The following GAB1 variants were observed in gnomAD, a reference collection of about 807,000 sequenced individuals.
The protein encoded by GAB1 is GRB2 associated binding protein 1.
In GAB1, 19 loss-of-function variants were observed where a neutral mutation model predicts 66.5. The ratio of observed to expected loss-of-function variants is 0.29; its 90% CI spans 0.20 to 0.42. GAB1 has a LOEUF of 0.42. Ranked by LOEUF, GAB1 falls within the 10% of genes least tolerant of loss-of-function variation. The pLI, the probability that GAB1 is intolerant of heterozygous loss-of-function variation, is 1.00. For synonymous variants in GAB1, 294 were observed against 301.4 expected (o/e 0.98, Z 0.25); for missense variants, 732 against 858.5 (o/e 0.85, Z 1.84).
chr4:143,468,648 G>A (rs1414652058), intron 9 of GAB1, among the ~76,000 whole-genome samples: 3 of 151,744 alleles, frequency 2.0e-5, no homozygotes, highest in South Asian at 2.1e-4. Flanking sequence ...ATTCATGGCC[G>A]GGCATGGTGG....
At position 143,462,353 on chromosome 4, in the gene GAB1, G is replaced by C. The variant is rs185763622; in HGVS notation, c.1803+1866G>C. On this transcript the variant is annotated intron_variant, in intron 8 of 9. Transcript: ENST00000262994. ...CACCTATTTTCAACTTTGGGTAGTT[G>C]AGTGAACTGTTTTCTTATCGTAAAG... Among the ~76,000 whole-genome samples, 46 of 152,178 alleles carry C rather than the reference G, an allele frequency of 3.0e-4. 1 individual carries two copies. Among genetic ancestry groups the C allele is most frequent in the African/African-American group, 9.9e-4 (41 of 41,526 alleles).
rs769699843 is a variant in GAB1 at position 143,438,020 on chromosome 4, A to G, written c.615A>G (p.Lys205=). The change falls in exon 4 of 10, where the codon AAA becomes AAG. Residue 205 remains lysine, a synonymous_variant. Coordinates refer to ENST00000262994, the MANE Select transcript of GAB1 (RefSeq NM_002039.4). ...TTAGAACGCATGCTGATTCTGCAAAATCCACCTCTTCTGAAACAGACTGCA... is the reference window on the plus strand; with the variant it reads ...TTAGAACGCATGCTGATTCTGCAAAGTCCACCTCTTCTGAAACAGACTGCA... ...EPTRTHADSA[K]STSSETDCND... The G allele has an allele frequency of 3.1e-6, 5 of 1,612,746 alleles. No individual in the cohort carries two copies. The South Asian group carries it at 5.5e-5, about 18-fold the overall frequency.
At chr4:143,448,274 C>A (rs924752668) in intron 6 of GAB1, among the ~76,000 whole-genome samples, 8 of 151,722 alleles carry the variant, frequency 5.3e-5, no homozygotes, top group Admixed American at 6.6e-5. Flanking sequence ...TGTCTCTGCC[C>A]GGCTTTGGTA....
intron 2 of GAB1, among the ~76,000 whole-genome samples, chr4:143,431,377 A>C (rs754704421): frequency 2.0e-5 from 3 of 152,204 alleles, no homozygotes; most frequent in Non-Finnish European, 2.9e-5. Context: ...AATTCAGTTG[A>C]CTAGAAAAAG....
chr4:143,359,618 G>C (rs1237084796), intron 1 of GAB1, among the ~76,000 whole-genome samples: 1 of 152,200 alleles, frequency 6.6e-6, no homozygotes, highest in African/African-American at 2.4e-5. Context: ...AGTGCTCTAA[G>C]CTCTCTGTAA....
Position 143,471,514 on chromosome 4 carries a change from C to T in GAB1, c.*2325C>T, listed in dbSNP as rs2149805440. The T allele has an allele frequency of 6.6e-6, 1 of 152,276 alleles. No homozygotes were observed. The highest frequency in any genetic ancestry group is 2.1e-4 in the South Asian group (1 of 4,826). The allele number at this position is 152,276 out of a possible 1,614,324, so 9.4% of individuals were successfully genotyped here. Reference sequence around the variant, plus strand: ...TCAATATAAATGTATTTTGGGTTCACATTTATGCTTATTCATTTTGGCTCA... The same window carrying T: ...TCAATATAAATGTATTTTGGGTTCATATTTATGCTTATTCATTTTGGCTCA... On this transcript the variant is annotated 3_prime_UTR_variant, in exon 10 of 10. Transcript: ENST00000262994.
intron 2 of GAB1, among the ~76,000 whole-genome samples, chr4:143,426,353 C>T (rs1578697317): frequency 1.3e-5 from 2 of 152,078 alleles, no homozygotes; most frequent in East Asian, 1.9e-4. Flanking sequence ...AGTTTGAGAC[C>T]AGCCTGGGCA....
chr4:143,382,508 A>G (rs1275208211), intron 1 of GAB1, among the ~76,000 whole-genome samples: 5 of 152,346 alleles, frequency 3.3e-5, no homozygotes, highest in African/African-American at 1.2e-4. Context: ...TGGAAAAGCA[A>G]TGGAATTTTA....
chr4:143,456,662 A>G (rs1735209266), intron 6 of GAB1, among the ~76,000 whole-genome samples: 2 of 152,192 alleles, frequency 1.3e-5, no homozygotes, highest in Admixed American at 1.3e-4. Flanking sequence ...TATTTTTTAT[A>G]ACTTCTACAG....
intron 2 of GAB1, among the ~76,000 whole-genome samples, chr4:143,427,507 A>G (rs1180660463): frequency 2.6e-5 from 4 of 151,944 alleles, no homozygotes; most frequent in Non-Finnish European, 4.4e-5. Context: ...CGGTTTGCAC[A>G]GGGAGAGGGA....
chr4:143,354,892 G>T (rs1729381394), intron 1 of GAB1, among the ~76,000 whole-genome samples: 1 of 152,148 alleles, frequency 6.6e-6, no homozygotes, highest in Non-Finnish European at 1.5e-5. Context: ...CCCCAAGTTG[G>T]AGAATTAGTT....
chr4:143,461,085 C>T (rs1735470693), intron 8 of GAB1, among the ~76,000 whole-genome samples: 1 of 152,136 alleles, frequency 6.6e-6, no homozygotes, highest in Non-Finnish European at 1.5e-5. Flanking sequence ...TGGTAGTGAG[C>T]ATTTTGTTCC....
chr4:143,365,373 C>T (rs1194542114), intron 1 of GAB1, among the ~76,000 whole-genome samples: 1 of 152,170 alleles, frequency 6.6e-6, no homozygotes, highest in African/African-American at 2.4e-5. Flanking sequence ...CCCTATTAGA[C>T]TGTAAGATCC....
rs891188460 is a variant in GAB1, at chr4:143,337,357, G to C, written c.72+97G>C. 6 of 1,011,938 alleles carry C rather than the reference G, an allele frequency of 5.9e-6. No individual in the cohort carries two copies. In the African/African-American group the frequency reaches 9.7e-5, roughly 16 times the overall value. The allele number at this position is 1,011,938 out of a possible 1,614,324, so 62.7% of individuals were successfully genotyped here. ...CTGCAGCTGGCCGCGCGCGGGGCTG[G>C]TTCTTAAACGAATGCCGGTCTCTTT... On this transcript the variant is annotated intron_variant, in intron 1 of 9. Coordinates refer to ENST00000262994, the MANE Select transcript of GAB1 (RefSeq NM_002039.4).
chr4:143,337,224 C>G lies in GAB1; in HGVS notation c.36C>G (p.Leu12=). The change falls in exon 1 of 10, where the codon CTC becomes CTG. Residue 12 remains leucine (L), a synonymous_variant. Transcript: ENST00000262994. ...SGGEVVCSGW[L]RKSPPEKKLK... Reference sequence around the variant, plus strand: ...GTGAAGTGGTCTGCTCCGGATGGCTCCGCAAGTCCCCCCCGGAGAAAAAGT... The same window carrying G: ...GTGAAGTGGTCTGCTCCGGATGGCTGCGCAAGTCCCCCCCGGAGAAAAAGT... The G allele has an allele frequency of 6.3e-7, 1 of 1,586,326 alleles. No homozygotes were observed. The highest frequency in any genetic ancestry group is 8.6e-7 in the Non-Finnish European group (1 of 1,166,154).
At chr4:143,425,145 C>T in intron 2 of GAB1, 1 of 816,032 alleles carries the variant, frequency 1.2e-6, no homozygotes, top group South Asian at 1.3e-5. Context: ...TCTTGACTTC[C>T]AGATGGAATA....
chr4:143,468,947 G>C (rs2149802466), intron 9 of GAB1, 84 bp from the exon 10 acceptor site: 2 of 1,393,850 alleles, frequency 1.4e-6, no homozygotes, highest in South Asian at 2.7e-5. Flanking sequence ...ATTCACAGTG[G>C]ATGTGTTTTG....
At chr4:143,424,911 T>A in intron 2 of GAB1, 1 of 529,290 alleles carries the variant, frequency 1.9e-6, no homozygotes. Context: ...GCCAAGATTG[T>A]TTCACTGCAC....
intron 8 of GAB1, among the ~76,000 whole-genome samples, chr4:143,465,458 TTA>T: frequency 6.6e-6 from 1 of 152,314 alleles, no homozygotes; most frequent in Admixed American, 6.5e-5. Flanking sequence ...TTAATTCTTT[TTA>T]AACCCAGAAG....
Sources: gnomAD v4.1 joint callset for allele counts (sites outside exome capture counted in the v4.1 genomes callset) on GRCh38, gnomAD v4.1.1 for gene constraint, MANE v1.5 for transcripts, NCBI Gene and HGNC (gene_info 2026-07-23, HGNC 2026-07-21) for gene names.